FRAS1: variants seen among roughly 807,000 people sequenced by gnomAD.
The protein encoded by FRAS1 is extracellular matrix organizing protein FRAS1.
FRAS1 carries 290 observed loss-of-function variants against 435.2 expected under a neutral mutation model. That is an observed-to-expected ratio of 0.67 (90% CI 0.61 to 0.73). FRAS1 has a LOEUF of 0.73. Among genes scored for constraint, FRAS1 ranks in the 30% least tolerant of loss-of-function variants. FRAS1 has a pLI of 0.00. For missense variants in FRAS1, 4,860 were observed against 5,001.5 expected (o/e 0.97, Z 0.85); for synonymous variants, 1,800 against 1,851.0 (o/e 0.97, Z 0.71).
At chr4:78,498,471 A>G (rs181276221) in intron 60 of FRAS1, among the ~76,000 whole-genome samples, 2 of 150,856 alleles carry the variant, frequency 1.3e-5, no homozygotes, top group East Asian at 3.9e-4. Context: ...GTGCCATTGC[A>G]CTCTAGCTTG....
rs1354348670 is a variant in FRAS1 at position 78,343,056 on chromosome 4, AG to A, written c.2422+5241del. Among the ~76,000 whole-genome samples, 12 of 152,362 alleles carry A rather than the reference AG, an allele frequency of 7.9e-5. No individual in the cohort carries two copies. In the East Asian group the frequency reaches 1.7e-3, roughly 22 times the overall value. Reference sequence around the variant, plus strand: ...ACTCAAATTCTAAACAATGGTTAATAGGTGTTGCATGCAACAAAAACAAAAA... The same window carrying A: ...ACTCAAATTCTAAACAATGGTTAATAGTGTTGCATGCAACAAAAACAAAAA... On this transcript the variant is annotated intron_variant, in intron 20 of 73. Coordinates refer to ENST00000512123, the MANE Select transcript of FRAS1 (RefSeq NM_025074.7).
intron 70 of FRAS1, among the ~76,000 whole-genome samples, chr4:78,531,557 T>C (rs62310309): frequency 0.36 from 54,476 of 152,072 alleles, 9,931 homozygotes; most frequent in South Asian, 0.54. Flanking sequence ...AAAGGGCTGT[T>C]GTATTTTATC....
At chr4:78,509,708 A>G (rs1349607840) in intron 63 of FRAS1, among the ~76,000 whole-genome samples, 2 of 152,212 alleles carry the variant, frequency 1.3e-5, no homozygotes, top group African/African-American at 4.8e-5. Flanking sequence ...CAACCTTAAC[A>G]AACAGCCCAC....
At chr4:78,371,097 T>G (rs13151351) in intron 23 of FRAS1, among the ~76,000 whole-genome samples, 5 of 151,056 alleles carry the variant, frequency 3.3e-5, no homozygotes, top group Non-Finnish European at 7.4e-5. Context: ...TTTTGTTTTT[T>G]TTTTTTTTTG....
At chr4:78,441,100 CTCT>C in intron 40 of FRAS1, 59 bp from the exon 41 acceptor site, 1 of 1,573,010 alleles carries the variant, frequency 6.4e-7, no homozygotes, top group Non-Finnish European at 8.7e-7. Context: ...TGCAATCCAG[CTCT>C]TTTTTTACTG....
chr4:78,472,132 T>G, intron 51 of FRAS1, 48 bp from the exon 52 acceptor site: 1 of 1,589,992 alleles, frequency 6.3e-7, no homozygotes, highest in Non-Finnish European at 8.6e-7. Context: ...GTCTTGTTCC[T>G]GCTTTATTCC....
chr4:78,470,660 A>G (rs909377033), intron 51 of FRAS1, among the ~76,000 whole-genome samples: 1 of 152,222 alleles, frequency 6.6e-6, no homozygotes, highest in African/African-American at 2.4e-5. Flanking sequence ...AGGTATTATA[A>G]GTAATCTTGA....
chr4:78,430,557 T>A (rs573899474), intron 37 of FRAS1, 140 bp downstream of exon 37: 3 of 888,010 alleles, frequency 3.4e-6, no homozygotes, highest in South Asian at 4.2e-5. Flanking sequence ...GTAGTTTCAT[T>A]GGCTTTGATA....
In FRAS1 at chr4:78,407,830, T is replaced by A; in HGVS notation, c.4297T>A (p.Phe1433Ile). The change falls in exon 31 of 74, where the codon TTC becomes ATC. Residue 1433 changes from phenylalanine (F) to isoleucine (I), a missense_variant. By Grantham distance (21) the Phe-to-Ile change is conservative (BLOSUM62 0). Coordinates refer to ENST00000512123, the MANE Select transcript of FRAS1 (RefSeq NM_025074.7). ...AGGAGCCCCAGCCCAGAGCGACTCC[T>A]TCCGCTTCGAGGTACCCTCTGCTTC... ...HSGAPAQSDS[F>I]RFEVSSASNA... The A allele has an allele frequency of 1.2e-6, 2 of 1,600,846 alleles. No individual in the cohort carries two copies. Among genetic ancestry groups the A allele is most frequent in the South Asian group, 1.1e-5 (1 of 88,380 alleles).
chr4:78,100,646 C>T (rs1742076343), intron 2 of FRAS1, among the ~76,000 whole-genome samples: 1 of 152,198 alleles, frequency 6.6e-6, no homozygotes, highest in African/African-American at 2.4e-5. Context: ...CTGTCATGAT[C>T]TTGACATTCT....
chr4:78,058,743 G>A (rs1293295538), intron 1 of FRAS1, among the ~76,000 whole-genome samples: 4 of 152,182 alleles, frequency 2.6e-5, no homozygotes, highest in Non-Finnish European at 5.9e-5. Context: ...TTTCCTCCGA[G>A]GCTCCAAGCT....
At chr4:78,483,284 C>G (rs1720067559) in intron 58 of FRAS1, among the ~76,000 whole-genome samples, 1 of 152,108 alleles carries the variant, frequency 6.6e-6, no homozygotes, top group Non-Finnish European at 1.5e-5. Flanking sequence ...TGAATAGAGG[C>G]AGGTATATGA....
chr4:78,429,200 T>C lies in FRAS1; in HGVS notation c.4817T>C (p.Val1606Ala). 1 of 1,607,270 alleles carries C rather than the reference T, an allele frequency of 6.2e-7. No individual in the cohort carries two copies. Among genetic ancestry groups the C allele is most frequent in the Non-Finnish European group, 8.5e-7 (1 of 1,177,240 alleles). ...VFQVTAPRLA[V>A]SPGGSTSVGL... ...CAGGTCACAGCTCCACGGCTGGCGGTCAGCCCAGGAGGCAGCACTTCTGTA... is the reference window on the plus strand; with the variant it reads ...CAGGTCACAGCTCCACGGCTGGCGGCCAGCCCAGGAGGCAGCACTTCTGTA... The change falls in exon 36 of 74, where the codon GTC (valine) becomes GCC (alanine). Residue 1606 changes from valine (V) to alanine (A), a missense_variant. Transcript: ENST00000512123.
chr4:78,406,231 A>C (rs1420326532), intron 30 of FRAS1, among the ~76,000 whole-genome samples: 2 of 152,248 alleles, frequency 1.3e-5, no homozygotes, highest in African/African-American at 4.8e-5. Flanking sequence ...AACGTTATTA[A>C]ACTCTGAACC....
In FRAS1 at chr4:78,488,909, A is replaced by C. The variant is rs1046494889; in HGVS notation, c.8787A>C (p.Leu2929=). ...PSMQFAKDLL[L]VKEKEGVLHV... is the part of the protein sequence containing the mutation. The stretch of plus-strand genomic sequence containing the variant: ...TGCAGTTTGCCAAGGATTTGCTCCT[A>C]GTGAAGGAGAAGGAGGGTGTCCTGC... Residue 2929 remains leucine, a synonymous_variant, in exon 59 of 74, where the codon CTA becomes CTC. Coordinates refer to ENST00000512123, the MANE Select transcript of FRAS1 (RefSeq NM_025074.7). 3 of 1,613,102 alleles carry C rather than the reference A, an allele frequency of 1.9e-6. No homozygotes were observed. The highest frequency in any genetic ancestry group is 1.7e-6 in the Non-Finnish European group (2 of 1,179,636).
chr4:78,096,078 C>T (rs992301520), intron 2 of FRAS1, among the ~76,000 whole-genome samples: 1 of 152,206 alleles, frequency 6.6e-6, no homozygotes, highest in African/African-American at 2.4e-5. Flanking sequence ...GAGTTACAGG[C>T]ATTGGGTAAA....
intron 2 of FRAS1, among the ~76,000 whole-genome samples, chr4:78,139,305 A>G (rs1720059764): frequency 6.7e-6 from 1 of 150,222 alleles, no homozygotes; most frequent in South Asian, 2.1e-4. Flanking sequence ...CATAGCCAAA[A>G]AATGAACCTT....
At chr4:78,081,903 G>A (rs1224832845) in intron 2 of FRAS1, among the ~76,000 whole-genome samples, 2 of 151,984 alleles carry the variant, frequency 1.3e-5, no homozygotes, top group Admixed American at 6.6e-5. Flanking sequence ...AGAAAAGGAG[G>A]GCTGCTTCTC....
chr4:78,473,667 T>A (rs1449336870), intron 53 of FRAS1, 70 bp downstream of exon 53: 2 of 1,273,782 alleles, frequency 1.6e-6, no homozygotes, highest in African/African-American at 3.0e-5. Context: ...GGATGAAGGA[T>A]GCTGGGGGGC....
Sources: allele counts gnomAD v4.1 joint callset (sites outside exome capture counted in the v4.1 genomes callset), GRCh38; gene constraint gnomAD v4.1.1; transcripts MANE v1.5; gene names NCBI Gene and HGNC (gene_info 2026-07-23, HGNC 2026-07-21).